TULP4: variants seen among roughly 807,000 people sequenced by gnomAD.
The protein encoded by TULP4 is TUB like protein 4.
A neutral mutation model predicts 129.0 loss-of-function variants in TULP4; 16 were observed. That is an observed-to-expected ratio of 0.12 (90% CI 0.08 to 0.19). TULP4 has a LOEUF of 0.19. Among genes scored for constraint, TULP4 ranks in the 10% least tolerant of loss-of-function variants. TULP4 has a pLI of 1.00. For missense variants in TULP4, 1,842 were observed against 2,059.1 expected, an observed-to-expected ratio of 0.89 and a Z score of 2.04; for synonymous variants, 998 against 854.0, an observed-to-expected ratio of 1.17 and a Z score of -2.94.
At chr6:158,268,039 T>TC (rs1180581112) in intron 1 of TULP4, among the ~76,000 whole-genome samples, 4 of 146,486 alleles carry the variant, frequency 2.7e-5, no homozygotes, top group Admixed American at 6.8e-5. Flanking sequence ...TTTTTTCTTT[T>TC]TTTTTTTTTT....
chr6:158,404,047 A>C (rs981665277), intron 1 of TULP4, among the ~76,000 whole-genome samples: 6 of 152,158 alleles, frequency 3.9e-5, no homozygotes, highest in Admixed American at 2.0e-4. Context: ...GCTCTTACCC[A>C]CCACACTCTC....
chr6:158,253,736 A>G (rs910545788), intron 1 of TULP4, among the ~76,000 whole-genome samples: 10 of 152,096 alleles, frequency 6.6e-5, no homozygotes, highest in Admixed American at 5.9e-4. Context: ...CTACCTTTCC[A>G]TATAGAAGAC....
intron 1 of TULP4, among the ~76,000 whole-genome samples, chr6:158,249,643 G>T (rs553119202): frequency 6.6e-6 from 1 of 152,182 alleles, no homozygotes; most frequent in African/African-American, 2.4e-5. Flanking sequence ...TTCAATGGCT[G>T]TGACAGCCGG....
At chr6:158,457,262 G>C (rs1258109135) in intron 5 of TULP4, among the ~76,000 whole-genome samples, 1 of 152,198 alleles carries the variant, frequency 6.6e-6, no homozygotes, top group Non-Finnish European at 1.5e-5. Context: ...TATTGTTTTA[G>C]TGTATCACCA....
At chr6:158,439,157 C>G (rs1297571173) in intron 3 of TULP4, among the ~76,000 whole-genome samples, 2 of 135,190 alleles carry the variant, frequency 1.5e-5, no homozygotes, top group East Asian at 4.3e-4. Flanking sequence ...GGTGACAGAG[C>G]AAGACTCCGT....
At chr6:158,248,578 T>C (rs938640391) in intron 1 of TULP4, among the ~76,000 whole-genome samples, 4 of 152,030 alleles carry the variant, frequency 2.6e-5, no homozygotes, top group Non-Finnish European at 4.4e-5. Context: ...GTCTGTTCTT[T>C]ACAGATAATT....
chr6:158,388,543 A>G (rs1777509649), intron 1 of TULP4, among the ~76,000 whole-genome samples: 1 of 151,076 alleles, frequency 6.6e-6, no homozygotes, highest in African/African-American at 2.4e-5. Context: ...GTTAGCCAGG[A>G]TGGTCTTGAT....
intron 1 of TULP4, among the ~76,000 whole-genome samples, chr6:158,350,288 G>A (rs144584438): frequency 6.6e-4 from 6 of 9,104 alleles, no homozygotes; most frequent in Non-Finnish European, 1.1e-3. Context: ...GACGATGGGC[G>A]GCCAGGCAGA....
intron 13 of TULP4, 144 bp from the exon 14 acceptor site, chr6:158,506,434 T>G (rs1780604251): frequency 1.5e-6 from 1 of 681,262 alleles, no homozygotes; most frequent in Non-Finnish European, 2.7e-6. Context: ...GGTTTCACCG[T>G]GTTAGCCAGG....
intron 5 of TULP4, among the ~76,000 whole-genome samples, chr6:158,455,987 A>T (rs1242688982): frequency 6.6e-6 from 1 of 152,194 alleles, no homozygotes; most frequent in Non-Finnish European, 1.5e-5. Flanking sequence ...ACTCAAAGAA[A>T]GGCCACATGG....
intron 2 of TULP4, among the ~76,000 whole-genome samples, chr6:158,418,524 T>G (rs559155010): frequency 6.6e-6 from 1 of 152,174 alleles, no homozygotes; most frequent in African/African-American, 2.4e-5. Context: ...AAGTGGCTAG[T>G]TGGGAGACTG....
chr6:158,371,085 C>T (rs1777060038), intron 1 of TULP4, among the ~76,000 whole-genome samples: 3 of 152,182 alleles, frequency 2.0e-5, no homozygotes, highest in Non-Finnish European at 2.9e-5. Context: ...TTCCTGGAAA[C>T]AGCAAAATGG....
intron 3 of TULP4, among the ~76,000 whole-genome samples, chr6:158,443,986 AGGGTG>A (rs1778960138): frequency 6.6e-6 from 1 of 151,976 alleles, no homozygotes; most frequent in Admixed American, 6.6e-5. Context: ...TTGGGGGGCC[AGGGTG>A]GGCGGATCAC....
At chr6:158,327,845 GAGT>G (rs2128490462) in intron 1 of TULP4, among the ~76,000 whole-genome samples, 1 of 152,116 alleles carries the variant, frequency 6.6e-6, no homozygotes, top group East Asian at 1.9e-4. Context: ...TCAAATGTAA[GAGT>G]AGTGCACCAT....
chr6:158,348,093 G>C (rs534437052), intron 1 of TULP4, among the ~76,000 whole-genome samples: 1 of 147,296 alleles, frequency 6.8e-6, no homozygotes, highest in African/African-American at 2.5e-5. Flanking sequence ...CTTAAACAAC[G>C]TAAACCTTAA....
At chr6:158,256,060 A>G (rs1366696591) in intron 1 of TULP4, among the ~76,000 whole-genome samples, 3 of 152,190 alleles carry the variant, frequency 2.0e-5, no homozygotes, top group Non-Finnish European at 4.4e-5. Flanking sequence ...GTGAACTCTT[A>G]CTATTTAAAG....
chr6:158,372,591 T>C (rs1777097709), intron 1 of TULP4, among the ~76,000 whole-genome samples: 1 of 152,218 alleles, frequency 6.6e-6, no homozygotes, highest in African/African-American at 2.4e-5. Flanking sequence ...GTTTCAGTAA[T>C]GGTTGAGAAT....
chr6:158,318,809 T>A (rs1335387620), intron 1 of TULP4, among the ~76,000 whole-genome samples: 1 of 152,064 alleles, frequency 6.6e-6, no homozygotes, highest in African/African-American at 2.4e-5. Context: ...CACCGTAGCC[T>A]CTGCCTCCTG....
At chr6:158,311,235 G>GCCCTT (rs1157847617), upstream of TULP4, among the ~76,000 whole-genome samples, 1 of 152,188 alleles carries the variant, frequency 6.6e-6, no homozygotes, top group Non-Finnish European at 1.5e-5. Flanking sequence ...GAACACCTGG[G>GCCCTT]CCCTTCCCTT....
Sources: allele counts gnomAD v4.1 joint callset (sites outside exome capture counted in the v4.1 genomes callset), GRCh38; gene constraint gnomAD v4.1.1; transcripts MANE v1.5; gene names NCBI Gene and HGNC (gene_info 2026-07-23, HGNC 2026-07-21).